DIP2B: variants seen among roughly 807,000 people sequenced by gnomAD.
The protein encoded by DIP2B is disco-interacting protein 2 homolog B.
DIP2B carries 76 observed loss-of-function variants against 198.0 expected under a neutral mutation model. The ratio of observed to expected loss-of-function variants is 0.38; its 90% CI spans 0.32 to 0.46. DIP2B has a LOEUF of 0.46. DIP2B is among the 20% of genes least tolerant of loss of function. The probability of loss-of-function intolerance (pLI) is 0.99; values close to 1 mark genes in which losing one functional copy is unlikely to be tolerated. For synonymous variants in DIP2B, 701 were observed against 739.1 expected, an observed-to-expected ratio of 0.95 and a Z score of 0.84; for missense variants, 1,559 against 1,978.4, an observed-to-expected ratio of 0.79 and a Z score of 4.02.
In DIP2B at chr12:50,724,795, T is replaced by C; in HGVS notation, c.3309T>C (p.Ile1103=). ...TCTAGGTCAGCAAAGCAGCCTGTAT[T>C]CTCACCAGTCAGACCCTAATGAGGC... is the stretch of plus-strand genomic sequence containing the variant. ...MIVDVSKAAC[I]LTSQTLMRLL... The change falls in exon 28 of 38, where the codon ATT becomes ATC. Residue 1103 remains isoleucine, a synonymous_variant. Coordinates refer to ENST00000301180, the MANE Select transcript of DIP2B (RefSeq NM_173602.3). 2.5e-6 allele frequency: 4 copies of C among 1,614,108 alleles called. 1 individual carries two copies. In the South Asian group the frequency reaches 4.4e-5, roughly 18 times the overall value.
intron 37 of DIP2B, among the ~76,000 whole-genome samples, chr12:50,744,244 C>T (rs1030556840): frequency 5.3e-5 from 8 of 152,264 alleles, no homozygotes; most frequent in South Asian, 2.1e-4. Context: ...TCAGGTGATC[C>T]GCCCATGTCG....
chr12:50,626,209 G>T (rs1455817438), intron 2 of DIP2B, among the ~76,000 whole-genome samples, 162 bp downstream of exon 2: 1 of 152,210 alleles, frequency 6.6e-6, no homozygotes, highest in Non-Finnish European at 1.5e-5. Flanking sequence ...ATCTTAATGA[G>T]CATCTGCTGT....
Position 50,692,788 on chromosome 12 carries a change from G to A in DIP2B, c.1655-161G>A, listed in dbSNP as rs1939243925. 3.3e-5 allele frequency among the ~76,000 whole-genome samples: 5 copies of A among 152,042 alleles called. 1 individual carries two copies. The South Asian group carries it at 1.0e-3, about 31-fold the overall frequency. On this transcript the variant is annotated intron_variant, in intron 13 of 37. Transcript: ENST00000301180. ...GGAGACAGAGGTTGCAGTGAGCCGAGATTGCATCACTGCACTCCAGCCTGG... is the reference window on the plus strand; with the variant it reads ...GGAGACAGAGGTTGCAGTGAGCCGAAATTGCATCACTGCACTCCAGCCTGG...
At chr12:50,734,810 G>T (rs1006330607) in intron 33 of DIP2B, among the ~76,000 whole-genome samples, 1 of 152,176 alleles carries the variant, frequency 6.6e-6, no homozygotes, top group African/African-American at 2.4e-5. Context: ...GAAACATTTT[G>T]GGTTGTCATA....
At chr12:50,626,565 A>G (rs1219613738) in intron 2 of DIP2B, among the ~76,000 whole-genome samples, 1 of 152,232 alleles carries the variant, frequency 6.6e-6, no homozygotes, top group Admixed American at 6.5e-5. Flanking sequence ...GCTTAATGCC[A>G]AAGGGGTTGC....
At chr12:50,608,646 A>T (rs1346956001) in intron 1 of DIP2B, among the ~76,000 whole-genome samples, 3 of 151,722 alleles carry the variant, frequency 2.0e-5, no homozygotes, top group Non-Finnish European at 2.9e-5. Flanking sequence ...AAAAAGAAAG[A>T]AAAGAAAAGA....
chr12:50,569,105 T>TC (rs1390888070), intron 1 of DIP2B, among the ~76,000 whole-genome samples: 14 of 151,732 alleles, frequency 9.2e-5, no homozygotes, highest in African/African-American at 2.9e-4. Flanking sequence ...TTTTTTTTTT[T>TC]CACCACAGCT....
chr12:50,649,679 C>T (rs1040914928), intron 3 of DIP2B, among the ~76,000 whole-genome samples: 2 of 152,210 alleles, frequency 1.3e-5, no homozygotes, highest in African/African-American at 4.8e-5. Flanking sequence ...CATGGTGAAA[C>T]TCCATCTCTA....
At chr12:50,743,951 C>T (rs145948499) in intron 37 of DIP2B, among the ~76,000 whole-genome samples, 25 of 152,344 alleles carry the variant, frequency 1.6e-4, no homozygotes, top group African/African-American at 5.8e-4. Context: ...CTTCTCTGTG[C>T]CCTGGGCTAC....
At chr12:50,592,602 T>C (rs1443822118) in intron 1 of DIP2B, among the ~76,000 whole-genome samples, 1 of 152,090 alleles carries the variant, frequency 6.6e-6, no homozygotes, top group Admixed American at 6.5e-5. Flanking sequence ...CTCAGCCTCC[T>C]GAGTAGCTGG....
chr12:50,633,186 C>T (rs1938094176), intron 2 of DIP2B: 1 of 152,028 alleles, frequency 6.6e-6, no homozygotes, highest in African/African-American at 2.4e-5. Flanking sequence ...ATCTTTAAAA[C>T]AGGACTTCAG....
At chr12:50,608,346 G>T (rs1161493544) in intron 1 of DIP2B, among the ~76,000 whole-genome samples, 2 of 152,180 alleles carry the variant, frequency 1.3e-5, no homozygotes, top group African/African-American at 4.8e-5. Flanking sequence ...GTAACACTAG[G>T]TGCGGTGGGT....
At chr12:50,625,021 G>A (rs2139468329) in intron 1 of DIP2B, among the ~76,000 whole-genome samples, 1 of 152,290 alleles carries the variant, frequency 6.6e-6, no homozygotes, top group Admixed American at 6.5e-5. Flanking sequence ...AATGTTTAAA[G>A]TACTTTTAAT....
At chr12:50,588,836 T>A (rs1593633351) in intron 1 of DIP2B, among the ~76,000 whole-genome samples, 1 of 152,308 alleles carries the variant, frequency 6.6e-6, no homozygotes, top group East Asian at 1.9e-4. Context: ...GAATTTATAT[T>A]TGCTCACCTT....
chr12:50,599,645 A>G (rs886555220), intron 1 of DIP2B, among the ~76,000 whole-genome samples: 2 of 152,020 alleles, frequency 1.3e-5, no homozygotes, highest in African/African-American at 4.8e-5. Flanking sequence ...CAAAAAAACA[A>G]CTCTTGAACA....
chr12:50,579,728 C>T (rs1958706224), intron 1 of DIP2B, among the ~76,000 whole-genome samples: 16 of 117,160 alleles, frequency 1.4e-4, no homozygotes, highest in South Asian at 5.7e-4. Flanking sequence ...TACATAGCTT[C>T]ATGGACCCCT....
intron 1 of DIP2B, among the ~76,000 whole-genome samples, chr12:50,608,565 G>T (rs1959003859): frequency 6.6e-6 from 1 of 151,340 alleles, no homozygotes; most frequent in Non-Finnish European, 1.5e-5. Context: ...GGCAGAGGTT[G>T]CAGTGAGCTG....
intron 1 of DIP2B, among the ~76,000 whole-genome samples, chr12:50,506,258 T>C (rs986974561): frequency 2.0e-5 from 3 of 152,176 alleles, no homozygotes; most frequent in Non-Finnish European, 4.4e-5. Flanking sequence ...CAGAGTTGCA[T>C]ATTCTTACTG....
chr12:50,582,690 A>G (rs1298998803), intron 1 of DIP2B, among the ~76,000 whole-genome samples: 1 of 152,134 alleles, frequency 6.6e-6, no homozygotes, highest in East Asian at 1.9e-4. Context: ...CACATGACCC[A>G]TCTACTTTCA....
Sources: gnomAD v4.1 joint callset for allele counts (sites outside exome capture counted in the v4.1 genomes callset) on GRCh38, gnomAD v4.1.1 for gene constraint, MANE v1.5 for transcripts, NCBI Gene and HGNC (gene_info 2026-07-23, HGNC 2026-07-21) for gene names.